The following EDDM3A variants were observed in gnomAD, a reference collection of about 807,000 sequenced individuals.
EDDM3A encodes epididymal protein 3A.
For synonymous variants in EDDM3A, 75 were observed against 60.4 expected, an observed-to-expected ratio of 1.24 and a Z score of -1.12; for missense variants, 199 against 177.4, an observed-to-expected ratio of 1.12 and a Z score of -0.69.
In EDDM3A at chr14:20,747,742, GA is replaced by G. The variant is rs1365593885; in HGVS notation, c.163del (p.Arg55GlufsTer6). The G allele has an allele frequency of 6.2e-7, 1 of 1,614,136 alleles. No homozygotes were observed. The highest frequency in any genetic ancestry group is 1.1e-5 in the South Asian group (1 of 91,084). ...FKEYKCDVLM[R>X]EKEALKGKSF... ...AAGAGTACAAATGTGATGTCCTCAT[GA>G]GAGAAAAAGAGGCTCTGAAAGGCAA... is the stretch of plus-strand genomic sequence containing the variant. On this transcript the variant is annotated frameshift_variant, in exon 2 of 2. Coordinates refer to ENST00000326842, the MANE Select transcript of EDDM3A (RefSeq NM_006683.5). LOFTEE classifies it low-confidence loss of function (END_TRUNC).
chr14:20,748,164 C>T lies in EDDM3A; in HGVS notation c.*140C>T. The T allele has an allele frequency of 1.7e-6, 1 of 597,920 alleles. No homozygotes were observed. The highest frequency in any genetic ancestry group is 2.9e-6 in the Non-Finnish European group (1 of 347,054). 37.0% of individuals were successfully genotyped at this position (597,920 alleles called of 1,614,324 possible). On this transcript the variant is annotated 3_prime_UTR_variant, in exon 2 of 2. Coordinates refer to ENST00000326842, the MANE Select transcript of EDDM3A (RefSeq NM_006683.5). ...TTCCAACTACTTAGAGTTTATGTAC[C>T]TCGTGATTTCTTGATACCAAATCTT... is the stretch of plus-strand genomic sequence containing the variant.
At chr14:20,740,744 A>G in the EDDM3A span, among the ~76,000 whole-genome samples, 2 of 139,620 alleles carry the variant, frequency 1.4e-5, no homozygotes, top group Admixed American at 1.3e-4. Flanking sequence ...ATCTCGGCTC[A>G]CTGCTGTTGG....
chr14:20,746,654 G>A (rs1039916178), intron 1 of EDDM3A, among the ~76,000 whole-genome samples: 6 of 152,158 alleles, frequency 3.9e-5, no homozygotes, highest in African/African-American at 1.4e-4. Context: ...TAGGGAAATG[G>A]CCTCTGAGAA....
chr14:20,737,540 G>T, the EDDM3A span, among the ~76,000 whole-genome samples: 2 of 152,158 alleles, frequency 1.3e-5, no homozygotes, highest in African/African-American at 4.8e-5. Context: ...AGTTCCTTAA[G>T]AAGGTTTCTA....
chr14:20,739,638 G>A, the EDDM3A span, among the ~76,000 whole-genome samples: 2 of 152,186 alleles, frequency 1.3e-5, no homozygotes, highest in Admixed American at 6.5e-5. Flanking sequence ...ATGTCAGTTT[G>A]TATTGCATTT....
At chr14:20,738,513 T>TAAAC in the EDDM3A span, among the ~76,000 whole-genome samples, 1 of 134,828 alleles carries the variant, frequency 7.4e-6, no homozygotes, top group Non-Finnish European at 1.7e-5. Context: ...AAATAAACAG[T>TAAAC]AGCTCCTCCT....
chr14:20,745,398 C>A (rs753850701), upstream of EDDM3A, among the ~76,000 whole-genome samples: 3 of 150,320 alleles, frequency 2.0e-5, no homozygotes, highest in Admixed American at 1.3e-4. Context: ...TGGTGACAGG[C>A]GCCTATAGTC....
upstream of EDDM3A, among the ~76,000 whole-genome samples, chr14:20,745,458 G>A (rs12586176): frequency 0.23 from 33,993 of 150,836 alleles, 4,057 homozygotes; most frequent in East Asian, 0.34. Flanking sequence ...CCCGGGAGGC[G>A]GAGCTTGCAG....
At chr14:20,739,310 A>T in the EDDM3A span, among the ~76,000 whole-genome samples, 1 of 152,238 alleles carries the variant, frequency 6.6e-6, no homozygotes, top group Non-Finnish European at 1.5e-5. Context: ...AAATGAATGA[A>T]TATGCAGCTA....
At chr14:20,742,714 G>T (rs190481834), upstream of EDDM3A, among the ~76,000 whole-genome samples, 1 of 152,054 alleles carries the variant, frequency 6.6e-6, no homozygotes, top group African/African-American at 2.4e-5. Context: ...CGTTTCCCAA[G>T]TAGCTGAGGT....
rs753431474 is a variant in EDDM3A, at chr14:20,748,191, G to T, written c.*167G>T. On this transcript the variant is annotated 3_prime_UTR_variant, in exon 2 of 2. Coordinates refer to ENST00000326842, the MANE Select transcript of EDDM3A (RefSeq NM_006683.5). ...CGTGATTTCTTGATACCAAATCTTT[G>T]TGTGGTTTCTGTATCTGTAATACAA... The T allele has an allele frequency of 7.1e-6, 4 of 567,098 alleles. No homozygotes were observed. The highest frequency in any genetic ancestry group is 1.2e-5 in the Non-Finnish European group (4 of 323,884). 35.1% of individuals were successfully genotyped at this position (567,098 alleles called of 1,614,324 possible). A position where few individuals can be genotyped will look rare whatever the true frequency, so the allele number is the denominator to read the frequency against.
chr14:20,737,508 C>G, the EDDM3A span, among the ~76,000 whole-genome samples: 4 of 152,182 alleles, frequency 2.6e-5, no homozygotes, highest in African/African-American at 9.7e-5. Context: ...ACCATACACT[C>G]ACAGATATCT....
chr14:20,743,989 G>C (rs1877511748), upstream of EDDM3A, among the ~76,000 whole-genome samples: 1 of 152,076 alleles, frequency 6.6e-6, no homozygotes, highest in Non-Finnish European at 1.5e-5. Context: ...AGAAACACTG[G>C]CTCATACATT....
upstream of EDDM3A, among the ~76,000 whole-genome samples, chr14:20,742,555 G>C (rs1324774584): frequency 2.6e-5 from 4 of 152,136 alleles, no homozygotes; most frequent in Admixed American, 2.6e-4. Context: ...CAAGGAGTAT[G>C]GGGTTAGGGT....
the EDDM3A span, among the ~76,000 whole-genome samples, chr14:20,736,855 C>T: frequency 2.0e-5 from 3 of 151,850 alleles, no homozygotes; most frequent in Non-Finnish European, 2.9e-5. Flanking sequence ...GGATTATAGG[C>T]GTGAGCCACC....
the EDDM3A span, among the ~76,000 whole-genome samples, chr14:20,738,672 G>A: frequency 3.3e-5 from 5 of 152,106 alleles, no homozygotes; most frequent in South Asian, 6.3e-4. Flanking sequence ...TCAGATTAAC[G>A]GAAGAAAAAC....
the EDDM3A span, among the ~76,000 whole-genome samples, chr14:20,737,445 A>G: frequency 6.6e-6 from 1 of 152,144 alleles, no homozygotes; most frequent in African/African-American, 2.4e-5. Context: ...GTAGGCTGTC[A>G]TCTGTATGTA....
the EDDM3A span, among the ~76,000 whole-genome samples, chr14:20,740,422 G>T: frequency 0.047 from 7,096 of 152,230 alleles, 561 homozygotes; most frequent in African/African-American, 0.16. Flanking sequence ...AGGGGAGAAG[G>T]GGTTTCCAGA....
upstream of EDDM3A, among the ~76,000 whole-genome samples, chr14:20,744,461 TA>T (rs1877524410): frequency 6.6e-6 from 1 of 152,244 alleles, no homozygotes. Flanking sequence ...AGTCTTACTT[TA>T]TTCATAAATC....
Sources: allele counts gnomAD v4.1 joint callset (sites outside exome capture counted in the v4.1 genomes callset), GRCh38; gene constraint gnomAD v4.1.1; transcripts MANE v1.5; gene names NCBI Gene and HGNC (gene_info 2026-07-23, HGNC 2026-07-21).